The following CD70 variants were observed in gnomAD, a reference collection of about 807,000 sequenced individuals.
The protein encoded by CD70 is CD70 molecule, also known as CD70 antigen.
In CD70, 6 loss-of-function variants were observed where a neutral mutation model predicts 9.0. The observed-to-expected ratio is 0.67, with a 90% CI of 0.37 to 1.32. The LOEUF (loss-of-function observed/expected upper bound fraction) is 1.32, where lower values mean the gene tolerates loss of function less well. Among genes scored for constraint, CD70 ranks in the 40% most tolerant of loss-of-function variants. CD70 has a pLI of 0.02. For synonymous variants in CD70, 108 were observed against 112.3 expected (o/e 0.96, Z 0.24); for missense variants, 235 against 258.7 (o/e 0.91, Z 0.63).
At chr19:6,589,779 T>C (rs1346590224) in intron 2 of CD70, among the ~76,000 whole-genome samples, 2 of 148,954 alleles carry the variant, frequency 1.3e-5, no homozygotes, top group Non-Finnish European at 3.0e-5. Context: ...CTCCCCCGCC[T>C]GTCTCCCTCC....
At chr19:6,582,505 C>A (rs542203718), downstream of CD70, among the ~76,000 whole-genome samples, 7 of 151,404 alleles carry the variant, frequency 4.6e-5, no homozygotes, top group African/African-American at 7.3e-5. Flanking sequence ...TCCCTCCCCC[C>A]CTCCCCCGAC....
Position 6,586,006 on chromosome 19 carries a change from A to C in CD70, c.*14T>G. On this transcript the variant is annotated 3_prime_UTR_variant, in exon 3 of 3. Coordinates refer to ENST00000245903, the MANE Select transcript of CD70 (RefSeq NM_001252.5). ...ATAAAATAAAATTTAAAAAACCCTA[A>C]TCAGCAGCAGTGGTCAGGGGCGCAC... 6.4e-7 allele frequency: 1 copy of C among 1,572,424 alleles called. No homozygotes were observed. Among genetic ancestry groups the C allele is most frequent in the Non-Finnish European group, 8.6e-7 (1 of 1,157,492 alleles).
At chr19:6,585,693 G>A (rs1915999087), downstream of CD70, 3 of 201,168 alleles carry the variant, frequency 1.5e-5, no homozygotes, top group East Asian at 1.3e-4. Flanking sequence ...TTTTTTTCCT[G>A]AGACAGAGTC....
chr19:6,585,934 C>G lies in CD70; in HGVS notation c.*86G>C, dbSNP rs1916004916. On this transcript the variant is annotated 3_prime_UTR_variant, in exon 3 of 3. Coordinates refer to ENST00000245903, the MANE Select transcript of CD70 (RefSeq NM_001252.5). ...CCCCCCACCACACTCCCACCCCAAC[C>G]CCGGGTGGCCCCTGTGTGTACACTT... is the stretch of plus-strand genomic sequence containing the variant. 1.9e-6 allele frequency: 2 copies of G among 1,028,310 alleles called. No individual in the cohort carries two copies. Among genetic ancestry groups the G allele is most frequent in the Non-Finnish European group, 2.8e-6 (2 of 715,782 alleles). 63.7% of individuals were successfully genotyped at this position (1,028,310 alleles called of 1,614,324 possible).
downstream of CD70, among the ~76,000 whole-genome samples, chr19:6,584,983 A>G (rs148630964): frequency 7.9e-5 from 12 of 152,134 alleles, no homozygotes; most frequent in East Asian, 1.9e-3. Flanking sequence ...GTGTAGTTCC[A>G]TTACATAGTT....
At chr19:6,583,664 G>C (rs7248446), downstream of CD70, among the ~76,000 whole-genome samples, 4 of 150,196 alleles carry the variant, frequency 2.7e-5, no homozygotes, top group African/African-American at 7.4e-5. Context: ...GTTCAAGAGA[G>C]TCTCCTGTCT....
At chr19:6,589,698 C>A (rs189146799) in intron 2 of CD70, among the ~76,000 whole-genome samples, 99 of 151,882 alleles carry the variant, frequency 6.5e-4, no homozygotes, top group African/African-American at 2.4e-3. Context: ...TCGCCTCTCT[C>A]GTTTTTATTC....
At chr19:6,585,605 G>C (rs902605664), downstream of CD70, among the ~76,000 whole-genome samples, 1 of 152,042 alleles carries the variant, frequency 6.6e-6, no homozygotes, top group Non-Finnish European at 1.5e-5. Context: ...GCCTCCCAAA[G>C]TGCTGGGATT....
Position 6,590,964 on chromosome 19 carries a change from C to G in CD70, c.39G>C (p.Arg13Ser). The G allele has an allele frequency of 1.9e-6, 3 of 1,613,580 alleles. No individual in the cohort carries two copies. The highest frequency in any genetic ancestry group is 1.7e-6 in the Non-Finnish European group (2 of 1,179,778). The change falls in exon 1 of 3, where the codon AGG becomes AGC. Residue 13 changes from arginine to serine, a missense_variant. By Grantham distance (110) the Arg-to-Ser change is moderately radical (BLOSUM62 -1). Coordinates refer to ENST00000245903, the MANE Select transcript of CD70 (RefSeq NM_001252.5). This position sits in a 1 kb window ranked among gnomAD's most constrained non-coding sequence, Gnocchi z 5.3. ...EEGSGCSVRR[R>S]PYGCVLRAAL... is the part of the protein sequence containing the mutation. The stretch of plus-strand genomic sequence containing the variant: ...CAGCCCGCAGGACGCACCCATAGGG[C>G]CTGCGCCGCACCGAGCAGCCCGAAC...
chr19:6,587,038 G>A (rs1916036440), intron 2 of CD70, among the ~76,000 whole-genome samples: 1 of 151,652 alleles, frequency 6.6e-6, no homozygotes, highest in Non-Finnish European at 1.5e-5. Flanking sequence ...GCACGAGAGA[G>A]TGCGACAGAG....
rs147810644 is a variant in CD70 at position 6,590,940 on chromosome 19, A to C, written c.63T>G (p.Ala21=). The stretch of plus-strand genomic sequence containing the variant: ...AGCCCGCGACCAATGGGACCAAAGC[A>C]GCCCGCAGGACGCACCCATAGGGCC... The part of the protein sequence containing the change: ...RRRPYGCVLR[A]ALVPLVAGLV... The change falls in exon 1 of 3, where the codon GCT becomes GCG. Residue 21 remains alanine, a synonymous_variant. Transcript: ENST00000245903. This position sits in a 1 kb window ranked among gnomAD's most constrained non-coding sequence, Gnocchi z 5.3. 4.3e-6 allele frequency: 7 copies of C among 1,613,910 alleles called. No homozygotes were observed. The Admixed American group carries it at 8.3e-5, about 19-fold the overall frequency.
chr19:6,583,679 C>T (rs2354573), downstream of CD70, among the ~76,000 whole-genome samples: 108,689 of 150,712 alleles, frequency 0.72, 40,940 homozygotes, highest in Non-Finnish European at 0.83. Flanking sequence ...CTGTCTCAGC[C>T]TCCCTAGTAG....
At chr19:6,589,189 C>CTCTCTG (rs1184401571) in intron 2 of CD70, among the ~76,000 whole-genome samples, 62 of 150,428 alleles carry the variant, frequency 4.1e-4, no homozygotes, top group African/African-American at 1.2e-3. Context: ...CTTCTTCCCC[C>CTCTCTG]TCTCTGTCTC....
At chr19:6,587,090 G>A (rs1916038755) in intron 2 of CD70, among the ~76,000 whole-genome samples, 2 of 151,666 alleles carry the variant, frequency 1.3e-5, no homozygotes, top group East Asian at 3.9e-4. Flanking sequence ...GAGTGTGTGA[G>A]AGGACGAGAG....
intron 2 of CD70, among the ~76,000 whole-genome samples, chr19:6,588,432 G>A (rs1267140011): frequency 6.6e-6 from 1 of 152,216 alleles, no homozygotes; most frequent in Non-Finnish European, 1.5e-5. Flanking sequence ...AAGGAGAAGA[G>A]AGAGCAACAA....
chr19:6,582,977 T>C (rs1291936617), downstream of CD70, among the ~76,000 whole-genome samples: 1 of 151,958 alleles, frequency 6.6e-6, no homozygotes. Flanking sequence ...TGGCGTCGAG[T>C]GTCTGTGGCT....
chr19:6,584,420 G>T (rs927706965), downstream of CD70, among the ~76,000 whole-genome samples: 1 of 151,910 alleles, frequency 6.6e-6, no homozygotes, highest in Non-Finnish European at 1.5e-5. Context: ...CAGAAGAATT[G>T]CTTGAACCTG....
downstream of CD70, among the ~76,000 whole-genome samples, chr19:6,584,667 C>T (rs1286979709): frequency 7.0e-6 from 1 of 143,590 alleles, no homozygotes; most frequent in Non-Finnish European, 1.5e-5. Context: ...GAGTTTGAGA[C>T]CAGCTGGGGC....
intron 2 of CD70, among the ~76,000 whole-genome samples, 157 bp downstream of exon 2, chr19:6,589,946 C>T (rs1325212306): frequency 1.5e-5 from 2 of 134,670 alleles, no homozygotes; most frequent in South Asian, 2.4e-4. Flanking sequence ...TCTCTGTCTC[C>T]CCCTCTCCGT....
Sources: gnomAD v4.1 joint callset for allele counts (sites outside exome capture counted in the v4.1 genomes callset) on GRCh38, gnomAD v4.1.1 for gene constraint, Gnocchi (gnomAD v3.1) non-coding constraint, MANE v1.5 for transcripts, NCBI Gene and HGNC (gene_info 2026-07-23, HGNC 2026-07-21) for gene names.